Variants in ANO3 observed in about 807,000 individuals in gnomAD.
ANO3 encodes anoctamin 3, also known as anoctamin-3.
ANO3 carries 99 observed loss-of-function variants against 144.8 expected under a neutral mutation model. The observed-to-expected ratio is 0.68, with a 90% CI of 0.58 to 0.81. ANO3 has a LOEUF of 0.81. ANO3 is among the 30% of genes least tolerant of loss of function. The pLI, the probability that ANO3 is intolerant of heterozygous loss-of-function variation, is 0.00. For missense variants in ANO3, 905 were observed against 1,202.2 expected, an observed-to-expected ratio of 0.75 and a Z score of 3.66; for synonymous variants, 414 against 392.6, an observed-to-expected ratio of 1.05 and a Z score of -0.64.
At chr11:26,264,866 A>AT (rs374426692) in intron 1 of ANO3, among the ~76,000 whole-genome samples, 2,962 of 149,442 alleles carry the variant, frequency 0.02, 62 homozygotes, top group East Asian at 0.12. Context: ...ATTTTTAAAG[A>AT]TTTTTTTTTT....
chr11:26,309,693 G>A (rs1200438210), exon 1 of ANO3: 5 of 985,188 alleles, frequency 5.1e-6, no homozygotes, highest in African/African-American at 3.5e-5. Flanking sequence ...AAGAGTGTGT[G>A]GGCTGCCAAA....
chr11:26,485,358 G>T lies in ANO3; in HGVS notation c.432+22210G>T, dbSNP rs986882394. ...ATGTTAATGAGTAAGTTCACAGAAGGTCTGGTTTTAAAAAAAAAAGTGTGG... is the reference window on the plus strand; with the variant it reads ...ATGTTAATGAGTAAGTTCACAGAAGTTCTGGTTTTAAAAAAAAAAGTGTGG... On this transcript the variant is annotated intron_variant, in intron 4 of 26. Coordinates refer to ENST00000256737, the MANE Select transcript of ANO3 (RefSeq NM_031418.4). 4.5e-4 allele frequency among the ~76,000 whole-genome samples: 69 copies of T among 151,982 alleles called. 1 individual carries two copies. Among genetic ancestry groups the T allele is most frequent in the African/African-American group, 1.6e-3 (67 of 41,440 alleles).
At chr11:26,274,896 G>A (rs555291246) in intron 1 of ANO3, among the ~76,000 whole-genome samples, 9 of 152,038 alleles carry the variant, frequency 5.9e-5, no homozygotes, top group Non-Finnish European at 1.3e-4. Flanking sequence ...CATGAGCATG[G>A]TTAGGAAGGA....
intron 7 of ANO3, among the ~76,000 whole-genome samples, chr11:26,528,103 T>G (rs369392): frequency 0.045 from 6,791 of 152,260 alleles, 464 homozygotes; most frequent in African/African-American, 0.15. Flanking sequence ...AATAAAGGTT[T>G]AGTAGAGTGT....
intron 3 of ANO3, among the ~76,000 whole-genome samples, chr11:26,455,862 G>A (rs983416639): frequency 3.3e-5 from 5 of 151,420 alleles, no homozygotes; most frequent in African/African-American, 7.3e-5. Flanking sequence ...CATGGTACTG[G>A]CACCAAAACA....
intron 4 of ANO3, among the ~76,000 whole-genome samples, chr11:26,499,773 C>T (rs890593544): frequency 1.3e-5 from 2 of 151,810 alleles, no homozygotes; most frequent in Non-Finnish European, 2.9e-5. Flanking sequence ...TCAAAAAATG[C>T]ATTTGTAATT....
chr11:26,401,737 C>T (rs1023460079), intron 1 of ANO3, among the ~76,000 whole-genome samples: 3 of 151,852 alleles, frequency 2.0e-5, no homozygotes, highest in Non-Finnish European at 4.4e-5. Context: ...ATTAGCCGGA[C>T]ATGGTGGCAC....
chr11:26,203,757 C>G (rs940180112), intron 1 of ANO3, among the ~76,000 whole-genome samples: 1 of 152,094 alleles, frequency 6.6e-6, no homozygotes, highest in Non-Finnish European at 1.5e-5. Context: ...TACTGTTTGT[C>G]ATGTGCCTTT....
chr11:26,475,324 G>C (rs527698123), intron 4 of ANO3, among the ~76,000 whole-genome samples: 24 of 151,818 alleles, frequency 1.6e-4, no homozygotes, highest in Non-Finnish European at 3.2e-4. Context: ...AGATAGCTCA[G>C]GTGTTTTGGA....
At chr11:26,487,810 C>G (rs183650100) in intron 4 of ANO3, among the ~76,000 whole-genome samples, 6 of 152,250 alleles carry the variant, frequency 3.9e-5, no homozygotes, top group Non-Finnish European at 7.4e-5. Flanking sequence ...TTTAGGGTAT[C>G]TGGTGGAAGA....
intron 8 of ANO3, among the ~76,000 whole-genome samples, chr11:26,533,588 T>A (rs1047478941): frequency 6.6e-6 from 1 of 151,854 alleles, no homozygotes; most frequent in Non-Finnish European, 1.5e-5. Flanking sequence ...AGTAAGGGAG[T>A]GCTCTGAAAA....
At chr11:26,322,711 G>T (rs1165805797) in intron 1 of ANO3, among the ~76,000 whole-genome samples, 1 of 152,024 alleles carries the variant, frequency 6.6e-6, no homozygotes, top group Non-Finnish European at 1.5e-5. Context: ...TGTTGATGTT[G>T]ACCTTAGTCA....
intron 1 of ANO3, among the ~76,000 whole-genome samples, chr11:26,421,550 A>T (rs1857752427): frequency 6.6e-6 from 1 of 151,984 alleles, no homozygotes; most frequent in South Asian, 2.1e-4. Flanking sequence ...TATTTTTAAA[A>T]TTTTTCTTTT....
intron 1 of ANO3, among the ~76,000 whole-genome samples, chr11:26,338,495 T>TA (rs1222742015): frequency 3.9e-5 from 6 of 152,042 alleles, no homozygotes; most frequent in Non-Finnish European, 5.9e-5. Flanking sequence ...AGGGGCCAAA[T>TA]AAGGGAACAA....
At chr11:26,483,287 A>G (rs943440572) in intron 4 of ANO3, among the ~76,000 whole-genome samples, 2 of 151,824 alleles carry the variant, frequency 1.3e-5, no homozygotes, top group African/African-American at 4.8e-5. Flanking sequence ...GTAAGATGAC[A>G]TCTTTTTGTG....
intron 1 of ANO3, among the ~76,000 whole-genome samples, chr11:26,426,638 G>A (rs1857929372): frequency 6.6e-6 from 1 of 152,180 alleles, no homozygotes; most frequent in Non-Finnish European, 1.5e-5. Flanking sequence ...GTCTAGAATA[G>A]CTGTCTCCTT....
chr11:26,616,746 A>G (rs1315952175), intron 17 of ANO3, among the ~76,000 whole-genome samples: 1 of 152,084 alleles, frequency 6.6e-6, no homozygotes, highest in Non-Finnish European at 1.5e-5. Context: ...TTACCCTCAA[A>G]CATTTTCTTA....
At chr11:26,384,234 A>G (rs541598050) in intron 1 of ANO3, among the ~76,000 whole-genome samples, 2 of 152,156 alleles carry the variant, frequency 1.3e-5, no homozygotes, top group African/African-American at 4.8e-5. Flanking sequence ...CAATTGTTTT[A>G]TATAATTTAT....
chr11:26,457,017 T>G (rs1325799001), intron 3 of ANO3, among the ~76,000 whole-genome samples: 1 of 146,360 alleles, frequency 6.8e-6, no homozygotes, highest in East Asian at 2.1e-4. Flanking sequence ...TAGGTGGGAA[T>G]TGAACTATGA....
Sources: allele counts gnomAD v4.1 joint callset (sites outside exome capture counted in the v4.1 genomes callset), GRCh38; gene constraint gnomAD v4.1.1; transcripts MANE v1.5; gene names NCBI Gene and HGNC (gene_info 2026-07-23, HGNC 2026-07-21).